Variants in SLC37A1 observed in about 807,000 individuals in gnomAD.
SLC37A1 encodes the protein solute carrier family 37 member 1.
A neutral mutation model predicts 75.3 loss-of-function variants in SLC37A1; 49 were observed. The observed-to-expected ratio is 0.65, with a 90% CI of 0.52 to 0.83. The LOEUF is 0.83. SLC37A1 is among the 40% of genes least tolerant of loss of function. The pLI, the probability that SLC37A1 is intolerant of heterozygous loss-of-function variation, is 0.00. For missense variants in SLC37A1, 566 were observed against 695.0 expected, an observed-to-expected ratio of 0.81 and a Z score of 2.09; for synonymous variants, 268 against 292.1, an observed-to-expected ratio of 0.92 and a Z score of 0.84.
chr21:42,559,011 G>A lies in SLC37A1; in HGVS notation c.903G>A (p.Pro301=), dbSNP rs140725204. ...LLSDGKGSIH[P]NHVVILPGDG... The stretch of plus-strand genomic sequence containing the variant: ...CAGATGGGAAGGGCTCCATCCACCC[G>A]AACCACGTCGTCATTCTCCCCGGGG... The change falls in exon 11 of 20, where the codon CCG becomes CCA. Residue 301 remains proline, a synonymous_variant. Transcript: ENST00000352133. 116 of 1,613,794 alleles carry A rather than the reference G, an allele frequency of 7.2e-5. No homozygotes were observed. The African/African-American group carries it at 8.7e-4, about 12-fold the overall frequency.
chr21:42,518,641 T>C lies in SLC37A1; in HGVS notation c.56+131T>C, dbSNP rs978448937. On this transcript the variant is annotated intron_variant, in intron 2 of 19. Transcript: ENST00000352133. Reference sequence around the variant, plus strand: ...GAATCACTGACCTCACCCATAACCGTTGAATTGCTTTTTGGTGGTGGAAGC... The same window carrying C: ...GAATCACTGACCTCACCCATAACCGCTGAATTGCTTTTTGGTGGTGGAAGC... The C allele has an allele frequency of 1.8e-5, 19 of 1,037,370 alleles. No individual in the cohort carries two copies. The African/African-American group carries it at 2.6e-4, about 14-fold the overall frequency. 64.3% of individuals were successfully genotyped at this position (1,037,370 alleles called of 1,614,324 possible).
chr21:42,563,918 G>T (rs370230370), intron 13 of SLC37A1, 41 bp downstream of exon 13: 2 of 1,607,834 alleles, frequency 1.2e-6, no homozygotes, highest in Non-Finnish European at 8.5e-7. Flanking sequence ...CAATAATTTC[G>T]CAAGGCGCAT....
At chr21:42,522,139 G>T (rs6586325) in intron 2 of SLC37A1, among the ~76,000 whole-genome samples, 85,953 of 151,982 alleles carry the variant, frequency 0.57, 25,869 homozygotes, top group African/African-American at 0.75. Context: ...TCATTGGAAT[G>T]AGGGCTCACT....
Position 42,501,433 on chromosome 21 carries a change from G to A in SLC37A1, c.-300-863G>A, listed in dbSNP as rs184288435. Among the ~76,000 whole-genome samples, 898 of 152,306 alleles carry A rather than the reference G, an allele frequency of 5.9e-3. 9 individuals carry two copies. The highest frequency in any genetic ancestry group is 0.037 in the Middle Eastern group (11 of 294). ...ACTGTTAAAAAAATTTACCAGGGCC[G>A]GGAGCGGTGGCTCACGCCTGTAATC... On this transcript the variant is annotated intron_variant, in intron 1 of 20. Coordinates refer to the SLC37A1 transcript ENST00000398341.
rs1569030335 is a variant in SLC37A1 at position 42,562,119 on chromosome 21, G to A, written c.1023G>A (p.Leu341=). The part of the protein sequence containing the change: ...EFSLCLLFAK[L]VSYTFLFWLP... Reference sequence around the variant, plus strand: ...CACTGTGTCTGCTGTTTGCCAAGCTGGTCAGCTATACTTTCCTCTTCTGGC... The same window carrying A: ...CACTGTGTCTGCTGTTTGCCAAGCTAGTCAGCTATACTTTCCTCTTCTGGC... The change falls in exon 12 of 20, where the codon CTG becomes CTA. Residue 341 remains leucine (L), a synonymous_variant. Coordinates refer to ENST00000352133, the MANE Select transcript of SLC37A1 (RefSeq NM_001320537.2). The A allele has an allele frequency of 6.2e-7, 1 of 1,614,168 alleles. No individual in the cohort carries two copies. Among genetic ancestry groups the A allele is most frequent in the East Asian group, 2.2e-5 (1 of 44,892 alleles).
intron 17 of SLC37A1, among the ~76,000 whole-genome samples, chr21:42,572,677 CAA>C (rs552610279): frequency 0.048 from 3,890 of 80,558 alleles, 231 homozygotes; most frequent in African/African-American, 0.15. Flanking sequence ...CACACACACA[CAA>C]AAAAAAAAAA....
intron 10 of SLC37A1, among the ~76,000 whole-genome samples, chr21:42,557,981 G>T (rs533873964): frequency 6.6e-6 from 1 of 152,174 alleles, no homozygotes; most frequent in African/African-American, 2.4e-5. Flanking sequence ...ACAGGGTCTT[G>T]CCCGGGCTGA....
chr21:42,565,180 T>C (rs2055944497), intron 14 of SLC37A1, among the ~76,000 whole-genome samples: 1 of 152,242 alleles, frequency 6.6e-6, no homozygotes, highest in Non-Finnish European at 1.5e-5. Flanking sequence ...CTCCTGACCT[T>C]GGGCTGTGAC....
rs552313725 is a variant in SLC37A1 at position 42,579,652 on chromosome 21, G to A, written c.1522-84G>A. ...AGAGAGCCACCCGCCCAGGCCTTGC[G>A]GGCCAGGTCCTCATGGTGCCCACGG... On this transcript the variant is annotated intron_variant, in intron 18 of 19. Transcript: ENST00000352133. 333 of 1,399,684 alleles carry A rather than the reference G, an allele frequency of 2.4e-4. 1 individual carries two copies. Among genetic ancestry groups the A allele is most frequent in the Non-Finnish European group, 3.1e-4 (316 of 1,022,790 alleles). The allele number at this position is 1,399,684 out of a possible 1,614,324, so 86.7% of individuals were successfully genotyped here.
rs183131250 is a variant in SLC37A1 at position 42,535,355 on chromosome 21, G to A, written c.272-117G>A. On this transcript the variant is annotated intron_variant, in intron 4 of 19. Transcript: ENST00000352133. ...CCTTGTTTTCTATGTGGAAAACCAC[G>A]CGTTTCACTAAGTACACCCCGATTT... 5 of 811,002 alleles carry A rather than the reference G, an allele frequency of 6.2e-6. No homozygotes were observed. The East Asian group carries it at 7.4e-5, about 12-fold the overall frequency. 50.2% of individuals were successfully genotyped at this position (811,002 alleles called of 1,614,324 possible). A position where few individuals can be genotyped will look rare whatever the true frequency, so the allele number is the denominator to read the frequency against.
In SLC37A1 at chr21:42,534,854, A is replaced by C; in HGVS notation, c.271+24A>C. The C allele has an allele frequency of 1.2e-6, 2 of 1,607,098 alleles. 1 individual carries two copies. The highest frequency in any genetic ancestry group is 2.2e-5 in the South Asian group (2 of 90,378). On this transcript the variant is annotated intron_variant, in intron 4 of 19. Coordinates refer to ENST00000352133, the MANE Select transcript of SLC37A1 (RefSeq NM_001320537.2). ...TGGTAAGTCGATTATCGGTCCGTCC[A>C]GGAGCCGAAGCGGCTGTCCTTCCAG...
intron 17 of SLC37A1, among the ~76,000 whole-genome samples, chr21:42,573,231 T>G (rs2056228425): frequency 6.6e-6 from 1 of 152,288 alleles, no homozygotes; most frequent in South Asian, 2.1e-4. Context: ...GGATCCGAGG[T>G]GCGGCAGAGG....
chr21:42,529,158 A>G (rs1326508680), intron 3 of SLC37A1, among the ~76,000 whole-genome samples: 2 of 152,226 alleles, frequency 1.3e-5, no homozygotes, highest in East Asian at 3.8e-4. Flanking sequence ...CAAAAAAGTC[A>G]GTAGAATAGA....
rs1486639818 is a variant in SLC37A1, at chr21:42,564,689, G to T, written c.1136-19G>T. ...ATGCCCTGGGACGTCAGTGCCTGAA[G>T]CCCGCCTCTCCGTTGCAGGTGGGAT... On this transcript the variant is annotated intron_variant, in intron 13 of 19. Transcript: ENST00000352133. The T allele has an allele frequency of 6.2e-7, 1 of 1,607,164 alleles. No homozygotes were observed. Among genetic ancestry groups the T allele is most frequent in the African/African-American group, 1.3e-5 (1 of 74,962 alleles).
At chr21:42,521,815 A>G (rs2054657365) in intron 2 of SLC37A1, among the ~76,000 whole-genome samples, 1 of 152,268 alleles carries the variant, frequency 6.6e-6, no homozygotes, top group African/African-American at 2.4e-5. Flanking sequence ...TCTAAACATA[A>G]CACAAAACAA....
intron 5 of SLC37A1, among the ~76,000 whole-genome samples, chr21:42,536,675 C>A (rs1183029309): frequency 6.6e-6 from 1 of 152,196 alleles, no homozygotes; most frequent in African/African-American, 2.4e-5. Context: ...AGCAGAGGCC[C>A]CTGTGAGATG....
intron 17 of SLC37A1, among the ~76,000 whole-genome samples, chr21:42,572,894 A>T (rs2056220010): frequency 6.6e-6 from 1 of 151,954 alleles, no homozygotes; most frequent in Non-Finnish European, 1.5e-5. Flanking sequence ...ATCACTTCCC[A>T]TGGAAGAAGG....
rs138036465 is a variant in SLC37A1 at position 42,531,959 on chromosome 21, C to A, written c.139-2739C>A. Among the ~76,000 whole-genome samples, 4 of 151,968 alleles carry A rather than the reference C, an allele frequency of 2.6e-5. No individual in the cohort carries two copies. In the East Asian group the frequency reaches 7.8e-4, roughly 29 times the overall value. On this transcript the variant is annotated intron_variant, in intron 3 of 19. Transcript: ENST00000352133. ...GAGAGGCGCCCGGACTCACAGTGGC[C>A]CTTTCCTGGACCCTTCCCAGGGGCG...
At chr21:42,568,537 T>A in intron 17 of SLC37A1, 99 bp downstream of exon 17, 2 of 1,173,516 alleles carry the variant, frequency 1.7e-6, no homozygotes, top group Admixed American at 2.0e-5. Flanking sequence ...ACTGCATCTA[T>A]AACATTGGGT....
Sources: gnomAD v4.1 joint callset for allele counts (sites outside exome capture counted in the v4.1 genomes callset) on GRCh38, gnomAD v4.1.1 for gene constraint, MANE v1.5 for transcripts, NCBI Gene and HGNC (gene_info 2026-07-23, HGNC 2026-07-21) for gene names.